Variants in TOP1MT observed in about 807,000 individuals in gnomAD.
The protein encoded by TOP1MT is DNA topoisomerase I, mitochondrial.
In TOP1MT, 80 loss-of-function variants were observed where a neutral mutation model predicts 73.9. The observed-to-expected ratio is 1.08, with a 90% CI of 0.90 to 1.30. TOP1MT has a LOEUF of 1.30. Ranked by LOEUF, TOP1MT falls within the 50% of genes most tolerant of loss-of-function variation. TOP1MT has a pLI of 0.00. For synonymous variants in TOP1MT, 338 were observed against 326.4 expected (o/e 1.04, Z -0.38); for missense variants, 815 against 808.0 (o/e 1.01, Z -0.10).
chr8:143,316,180 G>A, intron 10 of TOP1MT, 54 bp from the exon 11 acceptor site: 1 of 1,612,220 alleles, frequency 6.2e-7, no homozygotes, highest in South Asian at 1.1e-5. Context: ...CACCCTCCCT[G>A]TCTGCCCTGA....
chr8:143,324,523 T>A lies in TOP1MT; in HGVS notation c.778A>T (p.Ile260Phe), dbSNP rs2130212611. The A allele has an allele frequency of 6.2e-7, 1 of 1,613,968 alleles. No homozygotes were observed. The highest frequency in any genetic ancestry group is 8.5e-7 in the Non-Finnish European group (1 of 1,180,018). The change falls in exon 6 of 14, where the codon ATC becomes TTC. Residue 260 changes from isoleucine to phenylalanine, a missense_variant. By Grantham distance (21) the Ile-to-Phe change is conservative (BLOSUM62 0). Coordinates refer to ENST00000329245, the MANE Select transcript of TOP1MT (RefSeq NM_052963.3). The part of the protein sequence containing the change: ...AAWTESVQNS[I>F]KYIMLNPCSK... ...CAAGGGTTCAGCATGATGTACTTGA[T>A]GGAGTTCTGAACGCTCTCGGTCCAA...
intron 4 of TOP1MT, among the ~76,000 whole-genome samples, chr8:143,325,825 C>T (rs563455518): frequency 1.3e-5 from 2 of 152,292 alleles, no homozygotes; most frequent in East Asian, 1.9e-4. Context: ...CGTGGCTGCC[C>T]GCCATGGAGG....
chr8:143,325,462 T>C lies in TOP1MT; in HGVS notation c.555A>G (p.Lys185=). The part of the protein sequence containing the change: ...GYCILDGHQE[K]IGNFKIEPPG... The stretch of plus-strand genomic sequence containing the variant: ...GCGGCTCAATCTTGAAGTTGCCTAT[T>C]TTTTCTTGGTGACCATCTAAAATAC... Residue 185 remains lysine, a synonymous_variant, in exon 5 of 14, where the codon AAA becomes AAG. Transcript: ENST00000329245. The C allele has an allele frequency of 6.2e-7, 1 of 1,613,608 alleles. No individual in the cohort carries two copies. Among genetic ancestry groups the C allele is most frequent in the Non-Finnish European group, 8.5e-7 (1 of 1,179,548 alleles).
chr8:143,331,385 C>T, intron 1 of TOP1MT, 46 bp from the exon 2 acceptor site: 5 of 1,526,042 alleles, frequency 3.3e-6, no homozygotes, highest in Non-Finnish European at 4.5e-6. Context: ...CCAGGCCCTG[C>T]ATGAGCCTCT....
chr8:143,322,909 C>CAG (rs1816539061), intron 7 of TOP1MT, among the ~76,000 whole-genome samples: 4 of 79,804 alleles, frequency 5.0e-5, no homozygotes, highest in Non-Finnish European at 5.7e-5. Context: ...ACGCCACACA[C>CAG]GCACGCCACA....
rs376424566 is a variant in TOP1MT, at chr8:143,326,365, C to T, written c.361-21G>A. 2.1e-5 allele frequency: 34 copies of T among 1,613,590 alleles called. 1 individual carries two copies. Among genetic ancestry groups the T allele is most frequent in the African/African-American group, 4.0e-5 (3 of 74,942 alleles). On this transcript the variant is annotated intron_variant, in intron 3 of 13. Transcript: ENST00000329245. ...ATTTCCTGCAAAAACCACAGACACG[C>T]GCTCTCACCATGTCTGAAGGACAGA...
chr8:143,316,763 G>A (rs1183509862), intron 10 of TOP1MT, among the ~76,000 whole-genome samples: 3 of 152,236 alleles, frequency 2.0e-5, no homozygotes, highest in East Asian at 3.8e-4. Context: ...GGCACCTACT[G>A]GAGCGGCCAC....
intron 1 of TOP1MT, chr8:143,332,558 G>T (rs1197374304): frequency 7.8e-7 from 1 of 1,289,460 alleles, no homozygotes; most frequent in Non-Finnish European, 1.0e-6. Flanking sequence ...GGCCTGGTCG[G>T]CTGGGATGAG....
rs1449018758 is a variant in TOP1MT at position 143,341,733 on chromosome 8, C to T, written c.29+1487G>A. Reference sequence around the variant, plus strand: ...AGGCCGCAACAGGCCATACTGCCAGCGTCCACCCTGACCCAGACACAAAAC... The same window carrying T: ...AGGCCGCAACAGGCCATACTGCCAGTGTCCACCCTGACCCAGACACAAAAC... On this transcript the variant is annotated intron_variant, in intron 2 of 5. Transcript: ENST00000518007. This position sits in a 1 kb window ranked among gnomAD's most constrained non-coding sequence, Gnocchi z 4.1. Among the ~76,000 whole-genome samples the T allele has an allele frequency of 6.6e-6, 1 of 152,204 alleles. No individual in the cohort carries two copies. The highest frequency in any genetic ancestry group is 1.5e-5 in the Non-Finnish European group (1 of 68,040).
At chr8:143,348,937 T>C (rs1817275698), upstream of TOP1MT, among the ~76,000 whole-genome samples, 1 of 151,294 alleles carries the variant, frequency 6.6e-6, no homozygotes, top group Admixed American at 6.6e-5. The surrounding 1 kb of genome is among the most constrained non-coding windows in gnomAD (Gnocchi z 4.6). Flanking sequence ...CACTTGAGCA[T>C]CTGACCTACA....
chr8:143,319,476 T>C (rs879815755), intron 8 of TOP1MT, among the ~76,000 whole-genome samples: 1 of 151,696 alleles, frequency 6.6e-6, no homozygotes, highest in Non-Finnish European at 1.5e-5. Flanking sequence ...CATTTGTGCT[T>C]TTGAGGTGCA....
Position 143,329,471 on chromosome 8 carries a change from C to A in TOP1MT, c.239G>T (p.Gly80Val). ...LPDGVRFFYE[G>V]RPVRLSVAAE... ...TGCCACGCTCAATCTCACAGGCCTTCCTGCAGGCATCGGAAGACACATCGT... is the reference window on the plus strand; with the variant it reads ...TGCCACGCTCAATCTCACAGGCCTTACTGCAGGCATCGGAAGACACATCGT... The change falls in exon 3 of 14, where the codon GGA becomes GTA. Residue 80 changes from glycine to valine, a missense_variant and splice_region_variant. Around this residue, in one of 3 missense-constraint regions of TOP1MT, gnomAD observed 751 missense variants for 725.4 expected, o/e 1.04. Transcript: ENST00000329245. 3.7e-6 allele frequency: 6 copies of A among 1,608,192 alleles called. No homozygotes were observed. The highest frequency in any genetic ancestry group is 5.1e-6 in the Non-Finnish European group (6 of 1,178,446).
At chr8:143,335,577 G>T (rs556698441), upstream of TOP1MT, among the ~76,000 whole-genome samples, 1 of 152,346 alleles carries the variant, frequency 6.6e-6, no homozygotes, top group Non-Finnish European at 1.5e-5. Context: ...TGGGGAGCAT[G>T]GCCAAGGGGC....
chr8:143,322,965 CCA>C (rs1277638747), intron 7 of TOP1MT, among the ~76,000 whole-genome samples: 173 of 122,988 alleles, frequency 1.4e-3, no homozygotes, highest in African/African-American at 4.5e-3. Context: ...CACACGCACG[CCA>C]CACACGCACG....
chr8:143,330,333 T>C (rs1483137136), intron 2 of TOP1MT, among the ~76,000 whole-genome samples: 10 of 152,168 alleles, frequency 6.6e-5, no homozygotes, highest in Non-Finnish European at 1.5e-4. Context: ...GCAGGGCTGC[T>C]GTGGGGCAGG....
At chr8:143,337,950 T>C (rs1471882848), upstream of TOP1MT, among the ~76,000 whole-genome samples, 1 of 152,158 alleles carries the variant, frequency 6.6e-6, no homozygotes, top group African/African-American at 2.4e-5. Flanking sequence ...CCCAGTTACG[T>C]AGCCCCCACT....
chr8:143,319,829 T>C (rs1461983803), intron 8 of TOP1MT, among the ~76,000 whole-genome samples: 2 of 151,664 alleles, frequency 1.3e-5, no homozygotes, highest in Non-Finnish European at 2.9e-5. Flanking sequence ...CTTTTTTTTT[T>C]TTTAGAACGG....
intron 1 of TOP1MT, among the ~76,000 whole-genome samples, chr8:143,331,553 G>A (rs561994224): frequency 2.6e-5 from 4 of 152,324 alleles, no homozygotes; most frequent in African/African-American, 9.6e-5. Flanking sequence ...CACCTGCAGA[G>A]GCCCGTGTGC....
At chr8:143,329,598 T>C (rs1816799180) in intron 2 of TOP1MT, 127 bp from the exon 3 acceptor site, 1 of 1,100,806 alleles carries the variant, frequency 9.1e-7, no homozygotes, top group Non-Finnish European at 1.3e-6. Context: ...CTAGGCCTTC[T>C]TCTGTAAGTT....
Sources: allele counts gnomAD v4.1 joint callset (sites outside exome capture counted in the v4.1 genomes callset), GRCh38; gene constraint gnomAD v4.1.1; regional missense constraint gnomAD v4.1.1; non-coding constraint Gnocchi (gnomAD v3.1); transcripts MANE v1.5; gene names NCBI Gene and HGNC (gene_info 2026-07-23, HGNC 2026-07-21).